RAPGEF4: variants seen among roughly 807,000 people sequenced by gnomAD.
The protein encoded by RAPGEF4 is RAP guanine-nucleotide-exchange factor (GEF) 4.
RAPGEF4 carries 66 observed loss-of-function variants against 147.9 expected under a neutral mutation model. The ratio of observed to expected loss-of-function variants is 0.45; its 90% CI spans 0.37 to 0.55. The LOEUF is 0.55. Ranked by LOEUF, RAPGEF4 falls within the 20% of genes least tolerant of loss-of-function variation. The probability of loss-of-function intolerance (pLI) is 0.00; values close to 1 mark genes in which losing one functional copy is unlikely to be tolerated. For synonymous variants in RAPGEF4, 419 were observed against 442.7 expected, an observed-to-expected ratio of 0.95 and a Z score of 0.67; for missense variants, 1,071 against 1,257.3, an observed-to-expected ratio of 0.85 and a Z score of 2.24.
At chr2:172,884,692 G>A (rs1449138305) in intron 4 of RAPGEF4, among the ~76,000 whole-genome samples, 1 of 152,158 alleles carries the variant, frequency 6.6e-6, no homozygotes, top group Non-Finnish European at 1.5e-5. Context: ...GAGTTTTAAA[G>A]GTCTGTTCTG....
intron 10 of RAPGEF4, among the ~76,000 whole-genome samples, chr2:172,977,598 A>T (rs1018280830): frequency 6.6e-6 from 1 of 151,794 alleles, no homozygotes; most frequent in Non-Finnish European, 1.5e-5. Context: ...CTAGGGTGGG[A>T]GGGGGCTCCA....
intron 1 of RAPGEF4, among the ~76,000 whole-genome samples, chr2:172,752,310 T>C (rs1695374616): frequency 1.3e-5 from 2 of 152,256 alleles, no homozygotes; most frequent in Admixed American, 1.3e-4. Context: ...TACCTAGAAA[T>C]TCCAACAATT....
At chr2:172,953,034 T>C (rs956301707) in intron 6 of RAPGEF4, among the ~76,000 whole-genome samples, 19 of 152,096 alleles carry the variant, frequency 1.2e-4, no homozygotes, top group African/African-American at 3.6e-4. Context: ...CTGGAAGCGC[T>C]TCCTTCGTCC....
intron 10 of RAPGEF4, among the ~76,000 whole-genome samples, chr2:172,980,603 G>C (rs1691575751): frequency 1.3e-5 from 2 of 152,156 alleles, no homozygotes; most frequent in African/African-American, 4.8e-5. Context: ...AGTGAACATG[G>C]TTCAAAAGGA....
intron 6 of RAPGEF4, among the ~76,000 whole-genome samples, chr2:172,959,413 A>G (rs1450045555): frequency 6.6e-6 from 1 of 152,226 alleles, no homozygotes; most frequent in Non-Finnish European, 1.5e-5. Flanking sequence ...TAGAAACACC[A>G]GGATGATCTC....
At chr2:173,048,786 A>G (rs558921764) in intron 30 of RAPGEF4, 132 bp downstream of exon 30, 3 of 1,491,124 alleles carry the variant, frequency 2.0e-6, no homozygotes, top group Admixed American at 2.6e-5. Context: ...CATGAATTCC[A>G]TGAGATAGGG....
chr2:172,837,373 G>A (rs1022780241), intron 4 of RAPGEF4, among the ~76,000 whole-genome samples: 11 of 152,132 alleles, frequency 7.2e-5, no homozygotes, highest in Non-Finnish European at 1.5e-5. Flanking sequence ...TGTATGGCTA[G>A]TAAAGTGAAA....
intron 17 of RAPGEF4, among the ~76,000 whole-genome samples, chr2:173,011,311 G>C (rs907861429): frequency 6.6e-6 from 1 of 152,030 alleles, no homozygotes; most frequent in Non-Finnish European, 1.5e-5. Context: ...CTGCTGGTTA[G>C]GATAGTGGGG....
chr2:172,995,529 C>T (rs1693270805), intron 15 of RAPGEF4, among the ~76,000 whole-genome samples: 1 of 152,146 alleles, frequency 6.6e-6, no homozygotes, highest in Non-Finnish European at 1.5e-5. Flanking sequence ...ATCCGCCCGC[C>T]TCGGCCTCCC....
Position 172,927,042 on chromosome 2 carries a change from A to G in RAPGEF4, c.537+4742A>G, listed in dbSNP as rs190640448. ...TAATTAGTAATGACCCAGCCTGGAG[A>G]TCATCTCAAACCACTTGGCAAGTCT... On this transcript the variant is annotated intron_variant, in intron 6 of 30. Coordinates refer to ENST00000397081, the MANE Select transcript of RAPGEF4 (RefSeq NM_007023.4). 3.3e-5 allele frequency among the ~76,000 whole-genome samples: 5 copies of G among 152,188 alleles called. No individual in the cohort carries two copies. The East Asian group carries it at 9.6e-4, about 29-fold the overall frequency.
intron 1 of RAPGEF4, among the ~76,000 whole-genome samples, chr2:172,783,781 T>C (rs1371769451): frequency 1.3e-5 from 2 of 151,644 alleles, no homozygotes; most frequent in Non-Finnish European, 2.9e-5. Context: ...TGTGAGTGTG[T>C]GTGTGTGTGT....
At chr2:173,014,661 A>T (rs1415354586) in intron 18 of RAPGEF4, 47 bp downstream of exon 18, 2 of 1,570,394 alleles carry the variant, frequency 1.3e-6, no homozygotes, top group East Asian at 4.6e-5. Context: ...GTCCTGCAAT[A>T]CAGGGACCTA....
chr2:172,862,323 G>A (rs1046886388), intron 4 of RAPGEF4, among the ~76,000 whole-genome samples: 5 of 152,148 alleles, frequency 3.3e-5, no homozygotes, highest in African/African-American at 1.2e-4. Context: ...CGGGTCAGAA[G>A]GAAGTGTCAG....
intron 4 of RAPGEF4, chr2:172,889,756 G>T: frequency 1.1e-6 from 1 of 875,876 alleles, no homozygotes; most frequent in Non-Finnish European, 1.4e-6. Flanking sequence ...CAATCAGCAA[G>T]GAAAATTTTA....
chr2:172,919,168 C>T (rs543124750), intron 5 of RAPGEF4, among the ~76,000 whole-genome samples: 1 of 152,128 alleles, frequency 6.6e-6, no homozygotes, highest in African/African-American at 2.4e-5. Flanking sequence ...TGTCTTCTAG[C>T]TGACATCTGG....
intron 1 of RAPGEF4, among the ~76,000 whole-genome samples, chr2:172,750,760 C>CACCT (rs1478394020): frequency 5.9e-5 from 9 of 152,194 alleles, no homozygotes; most frequent in African/African-American, 2.2e-4. Context: ...CCTTTTCATA[C>CACCT]ACCTGTTCAC....
intron 4 of RAPGEF4, among the ~76,000 whole-genome samples, chr2:172,824,780 G>A (rs1036950134): frequency 6.6e-6 from 1 of 152,190 alleles, no homozygotes; most frequent in Admixed American, 6.5e-5. Flanking sequence ...ATGCCTATGA[G>A]AGAATGCGAG....
At chr2:172,868,409 A>G (rs1694853581) in intron 4 of RAPGEF4, among the ~76,000 whole-genome samples, 1 of 152,208 alleles carries the variant, frequency 6.6e-6, no homozygotes, top group South Asian at 2.1e-4. Context: ...ACTGCATAAC[A>G]TGCTCTTATA....
At chr2:172,850,560 G>C (rs112356195) in intron 4 of RAPGEF4, among the ~76,000 whole-genome samples, 10,876 of 151,946 alleles carry the variant, frequency 0.072, 550 homozygotes, top group Non-Finnish European at 0.11. Flanking sequence ...GGAGCTTGCA[G>C]TGAGCCAAGA....
Sources: allele counts gnomAD v4.1 joint callset (sites outside exome capture counted in the v4.1 genomes callset), GRCh38; gene constraint gnomAD v4.1.1; transcripts MANE v1.5; gene names NCBI Gene and HGNC (gene_info 2026-07-23, HGNC 2026-07-21).